Variants in CACNA2D3 observed in about 807,000 individuals in gnomAD.
CACNA2D3 encodes the protein voltage-dependent calcium channel subunit alpha-2/delta-3.
In CACNA2D3, 60 loss-of-function variants were observed where a neutral mutation model predicts 160.6. That is an observed-to-expected ratio of 0.37 (90% CI 0.30 to 0.46). The LOEUF (loss-of-function observed/expected upper bound fraction) is 0.46, where lower values mean the gene tolerates loss of function less well. Ranked by LOEUF, CACNA2D3 falls within the 20% of genes least tolerant of loss-of-function variation. The pLI, the probability that CACNA2D3 is intolerant of heterozygous loss-of-function variation, is 1.00. For missense variants in CACNA2D3, 1,205 were observed against 1,365.0 expected, an observed-to-expected ratio of 0.88 and a Z score of 1.85; for synonymous variants, 558 against 492.9, an observed-to-expected ratio of 1.13 and a Z score of -1.75.
chr3:54,430,181 C>G lies in CACNA2D3; in HGVS notation c.381+43407C>G, dbSNP rs143665152. Among the ~76,000 whole-genome samples, 176 of 152,138 alleles carry G rather than the reference C, an allele frequency of 1.2e-3. 4 individuals carry two copies. The highest frequency in any genetic ancestry group is 2.5e-3 in the Admixed American group (38 of 15,254). On this transcript the variant is annotated intron_variant, in intron 4 of 37. Transcript: ENST00000474759. ...TGTGAAAACATTTACAAGCCCCAAG[C>G]AAGTTTTACAATGAGCTTATATATG...
At chr3:54,923,023 A>G (rs1010550277) in intron 27 of CACNA2D3, among the ~76,000 whole-genome samples, 1 of 152,138 alleles carries the variant, frequency 6.6e-6, no homozygotes, top group African/African-American at 2.4e-5. Flanking sequence ...GGTTTGGGCC[A>G]CCATCATCTT....
intron 11 of CACNA2D3, among the ~76,000 whole-genome samples, chr3:54,699,389 A>G (rs1359787029): frequency 6.6e-6 from 1 of 152,160 alleles, no homozygotes; most frequent in Non-Finnish European, 1.5e-5. Flanking sequence ...AGAGTGTCCC[A>G]TGCTTGTCAT....
rs1032087665 is a variant in CACNA2D3, at chr3:54,503,716, G to T, written c.544+62G>T. On this transcript the variant is annotated intron_variant, in intron 5 of 37. Transcript: ENST00000474759. ...AGAATCAGGGGGTTGAGAAGCAGGG[G>T]CTGGCTGGTTTGGGATATAGTTTTG... 1.1e-5 allele frequency: 17 copies of T among 1,488,386 alleles called. No homozygotes were observed. In the Admixed American group the frequency reaches 2.9e-4, roughly 25 times the overall value. The allele number at this position is 1,488,386 out of a possible 1,614,324, so 92.2% of individuals were successfully genotyped here.
chr3:54,321,726 T>C (rs142950444), intron 3 of CACNA2D3, among the ~76,000 whole-genome samples: 11 of 152,262 alleles, frequency 7.2e-5, no homozygotes, highest in Non-Finnish European at 1.3e-4. Context: ...CATTCTTTAC[T>C]GCCGCCTTGC....
At chr3:54,829,885 CTTTT>C (rs58291013) in intron 14 of CACNA2D3, among the ~76,000 whole-genome samples, 5 of 64,308 alleles carry the variant, frequency 7.8e-5, no homozygotes, top group African/African-American at 1.3e-4. Context: ...TCTTCTTCAT[CTTTT>C]TTTTTTTTTT....
intron 13 of CACNA2D3, among the ~76,000 whole-genome samples, chr3:54,798,378 C>T (rs1208783449): frequency 3.3e-5 from 5 of 151,862 alleles, no homozygotes; most frequent in Non-Finnish European, 5.9e-5. Flanking sequence ...ACTAAAAATA[C>T]CAAAAAAAAT....
chr3:54,863,707 ATTG>A (rs1445494167), intron 17 of CACNA2D3, among the ~76,000 whole-genome samples: 1 of 138,708 alleles, frequency 7.2e-6, no homozygotes, highest in Non-Finnish European at 1.6e-5. Context: ...CAGCCTGTTA[ATTG>A]TTGTTTTTTT....
At chr3:54,453,486 C>T (rs922099482) in intron 4 of CACNA2D3, among the ~76,000 whole-genome samples, 1 of 146,136 alleles carries the variant, frequency 6.8e-6, no homozygotes, top group African/African-American at 2.5e-5. Context: ...CCTCTCAGGA[C>T]TTTCTGCTTC....
intron 35 of CACNA2D3, among the ~76,000 whole-genome samples, chr3:55,036,382 G>C (rs1292380555): frequency 6.6e-6 from 1 of 152,108 alleles, no homozygotes; most frequent in Non-Finnish European, 1.5e-5. Flanking sequence ...GGGAGACGGA[G>C]GTTGCAGTGA....
chr3:54,409,478 G>C (rs894857705), intron 4 of CACNA2D3, among the ~76,000 whole-genome samples: 5 of 152,138 alleles, frequency 3.3e-5, no homozygotes. Context: ...TAACCCTACA[G>C]TGGCCTCTAA....
At chr3:54,613,918 C>T (rs1287366722) in intron 9 of CACNA2D3, among the ~76,000 whole-genome samples, 1 of 152,082 alleles carries the variant, frequency 6.6e-6, no homozygotes, top group Non-Finnish European at 1.5e-5. Flanking sequence ...TTTTATACTA[C>T]GAAATACACT....
At chr3:54,251,023 C>A (rs2107423812) in intron 2 of CACNA2D3, among the ~76,000 whole-genome samples, 1 of 152,242 alleles carries the variant, frequency 6.6e-6, no homozygotes. Flanking sequence ...AGCTCCGAGG[C>A]AGCACTAGCC....
At chr3:54,676,787 G>A (rs533005712) in intron 11 of CACNA2D3, among the ~76,000 whole-genome samples, 2 of 152,250 alleles carry the variant, frequency 1.3e-5, no homozygotes, top group South Asian at 2.1e-4. Context: ...AATAAAGTTC[G>A]ATTTAGATTG....
intron 2 of CACNA2D3, among the ~76,000 whole-genome samples, chr3:54,272,542 T>C (rs1702641932): frequency 6.6e-6 from 1 of 152,074 alleles, no homozygotes; most frequent in Non-Finnish European, 1.5e-5. Context: ...TTAAACCTAT[T>C]GTGGGGTTCT....
intron 2 of CACNA2D3, among the ~76,000 whole-genome samples, chr3:54,274,872 G>A (rs1702702306): frequency 1.3e-5 from 2 of 152,238 alleles, no homozygotes; most frequent in Admixed American, 1.3e-4. Context: ...GAGTGACCAG[G>A]GGAGACAGCA....
chr3:55,025,723 C>T (rs917686422), intron 35 of CACNA2D3, among the ~76,000 whole-genome samples: 2 of 150,464 alleles, frequency 1.3e-5, no homozygotes, highest in South Asian at 2.1e-4. Flanking sequence ...TCTAATACCA[C>T]GTTGGGTTGA....
intron 2 of CACNA2D3, among the ~76,000 whole-genome samples, chr3:54,181,672 A>T (rs970625901): frequency 6.2e-4 from 94 of 152,274 alleles, no homozygotes; most frequent in East Asian, 2.5e-3. Flanking sequence ...TACTTAAAAA[A>T]TTTTTTGAGG....
intron 3 of CACNA2D3, among the ~76,000 whole-genome samples, chr3:54,369,443 A>T (rs1698885096): frequency 6.6e-6 from 1 of 152,168 alleles, no homozygotes; most frequent in Admixed American, 6.5e-5. Flanking sequence ...CGGACAAGTC[A>T]GGGCCTTGAC....
chr3:54,567,597 G>A (rs1349061410), intron 6 of CACNA2D3, among the ~76,000 whole-genome samples: 4 of 152,140 alleles, frequency 2.6e-5, no homozygotes, highest in Non-Finnish European at 5.9e-5. Flanking sequence ...GTGCAGTGGT[G>A]CAATCTTGGC....
Sources: gnomAD v4.1 joint callset for allele counts (sites outside exome capture counted in the v4.1 genomes callset) on GRCh38, gnomAD v4.1.1 for gene constraint, MANE v1.5 for transcripts, NCBI Gene and HGNC (gene_info 2026-07-23, HGNC 2026-07-21) for gene names.